Variants in SOX6 observed in about 807,000 individuals in gnomAD.
SOX6 encodes SRY-box transcription factor 6.
Under a neutral mutation model 97.8 loss-of-function variants are expected in SOX6, and 11 were observed. That is an observed-to-expected ratio of 0.11 (90% CI 0.07 to 0.19). The LOEUF is 0.19. SOX6 is among the 10% of genes least tolerant of loss of function. The pLI is 1.00. For synonymous variants in SOX6, 360 were observed against 371.4 expected (o/e 0.97, Z 0.35); for missense variants, 810 against 1,039.5 (o/e 0.78, Z 3.04).
Position 16,299,483 on chromosome 11 carries a change from C to T in SOX6, c.445+18963G>A, listed in dbSNP as rs539826979. ...TTTATTGGGAATTGCTTCCCAAAAT[C>T]TGAAATACAGTAAAGTGGCATTTCA... On this transcript the variant is annotated intron_variant, in intron 3 of 15. Coordinates refer to ENST00000683767, the MANE Select transcript of SOX6 (RefSeq NM_001367873.1). Among the ~76,000 whole-genome samples, 12 of 152,130 alleles carry T rather than the reference C, an allele frequency of 7.9e-5. No individual in the cohort carries two copies. The East Asian group carries it at 2.1e-3, about 27-fold the overall frequency.
intron 4 of SOX6, among the ~76,000 whole-genome samples, chr11:16,187,682 G>T (rs1253634843): frequency 1.3e-5 from 2 of 152,134 alleles, no homozygotes; most frequent in Non-Finnish European, 2.9e-5. Context: ...GGTTGAAAAG[G>T]TTATGCATAA....
intron 4 of SOX6, among the ~76,000 whole-genome samples, chr11:16,231,854 T>C (rs2134172032): frequency 6.6e-6 from 1 of 151,788 alleles, no homozygotes; most frequent in Non-Finnish European, 1.5e-5. Flanking sequence ...TAATATATCA[T>C]TAAGTGGGGA....
At chr11:16,109,009 T>C (rs545817222) in intron 7 of SOX6, among the ~76,000 whole-genome samples, 2 of 152,112 alleles carry the variant, frequency 1.3e-5, no homozygotes, top group African/African-American at 4.8e-5. Context: ...TCATTTCAGA[T>C]ACGGGAAAGT....
intron 3 of SOX6, among the ~76,000 whole-genome samples, chr11:16,651,496 C>T (rs886313208): frequency 6.6e-6 from 1 of 151,936 alleles, no homozygotes; most frequent in Non-Finnish European, 1.5e-5. Context: ...ATGTGATATA[C>T]CACATAAGCA....
chr11:16,606,312 A>C (rs1188974540), intron 4 of SOX6, among the ~76,000 whole-genome samples: 1 of 151,122 alleles, frequency 6.6e-6, no homozygotes, highest in East Asian at 2.0e-4. Context: ...GTTTCAGTGT[A>C]ACTTTCTCTA....
chr11:16,103,256 A>G (rs1848994644), intron 7 of SOX6, among the ~76,000 whole-genome samples: 1 of 152,044 alleles, frequency 6.6e-6, no homozygotes, highest in Non-Finnish European at 1.5e-5. Context: ...CAAATGGCCA[A>G]TGATCATATA....
intron 6 of SOX6, among the ~76,000 whole-genome samples, chr11:16,131,469 G>A (rs1849737553): frequency 6.6e-6 from 1 of 152,026 alleles, no homozygotes; most frequent in African/African-American, 2.4e-5. Flanking sequence ...TGGTGAGGAT[G>A]CAGAACAACT....
chr11:16,132,381 AGAAAGAAAGAAAGAAAGAAAAAAGAAAG>A (rs1849797947), intron 6 of SOX6, among the ~76,000 whole-genome samples: 1 of 97,734 alleles, frequency 1.0e-5, no homozygotes, highest in East Asian at 4.3e-4. Flanking sequence ...AAAGAAAGAA[AGAAAGAAAGAAAGAAAGAAAAAAGAAAG>A]AAAGAAAGAA....
chr11:16,240,354 G>A (rs918534566), intron 3 of SOX6, among the ~76,000 whole-genome samples: 8 of 148,270 alleles, frequency 5.4e-5, no homozygotes, highest in Admixed American at 2.8e-4. Flanking sequence ...AGAACTGTTA[G>A]ATGCAAGATT....
intron 3 of SOX6, among the ~76,000 whole-genome samples, chr11:16,713,226 AC>A (rs1952573177): frequency 6.6e-6 from 1 of 152,226 alleles, no homozygotes; most frequent in African/African-American, 2.4e-5. Flanking sequence ...TCAGAAAAAA[AC>A]ATTTTAACAA....
At chr11:16,115,107 G>C (rs986272036) in intron 6 of SOX6, among the ~76,000 whole-genome samples, 2 of 152,088 alleles carry the variant, frequency 1.3e-5, no homozygotes, top group Non-Finnish European at 2.9e-5. Flanking sequence ...TTAGCCCAGA[G>C]GCTATTCAAT....
chr11:16,668,066 C>T (rs1330970148), intron 3 of SOX6, among the ~76,000 whole-genome samples: 1 of 152,102 alleles, frequency 6.6e-6, no homozygotes, highest in East Asian at 1.9e-4. Context: ...TTGCAAGCCT[C>T]ATGGTAACAC....
At chr11:16,545,099 A>G (rs1328711018) in intron 4 of SOX6, among the ~76,000 whole-genome samples, 4 of 152,130 alleles carry the variant, frequency 2.6e-5, no homozygotes, top group African/African-American at 9.7e-5. Context: ...AATATCTAAA[A>G]TAAAAAAAAC....
chr11:16,140,331 C>CCTAAT (rs1260173667), intron 6 of SOX6, among the ~76,000 whole-genome samples: 6 of 152,084 alleles, frequency 3.9e-5, no homozygotes, highest in African/African-American at 1.4e-4. Flanking sequence ...GAAGAAAAGC[C>CCTAAT]CTAATATGTT....
chr11:16,454,721 G>A (rs971302623), intron 1 of SOX6, among the ~76,000 whole-genome samples: 1 of 152,054 alleles, frequency 6.6e-6, no homozygotes, highest in African/African-American at 2.4e-5. Flanking sequence ...GAAAGAAATT[G>A]AGCCAAAGTA....
At chr11:16,604,941 A>G (rs981197061) in intron 4 of SOX6, among the ~76,000 whole-genome samples, 1 of 152,104 alleles carries the variant, frequency 6.6e-6, no homozygotes, top group African/African-American at 2.4e-5. Flanking sequence ...GCACCGAGCT[A>G]ATCTGCCCTC....
chr11:16,587,621 GA>G, intron 4 of SOX6, among the ~76,000 whole-genome samples: 1 of 152,308 alleles, frequency 6.6e-6, no homozygotes, highest in African/African-American at 2.4e-5. Flanking sequence ...AAGAAAGTGA[GA>G]AAATCAGAAA....
intron 1 of SOX6, among the ~76,000 whole-genome samples, chr11:16,407,950 A>C (rs1389412058): frequency 6.6e-6 from 1 of 152,226 alleles, no homozygotes; most frequent in African/African-American, 2.4e-5. Context: ...ATTCCTTTAC[A>C]ACTTATTTTA....
intron 2 of SOX6, among the ~76,000 whole-genome samples, chr11:16,320,577 T>G (rs374793770): frequency 1.3e-5 from 2 of 152,104 alleles, no homozygotes; most frequent in African/African-American, 4.8e-5. Context: ...GTTTAATAAC[T>G]GGTAGATACT....
Sources: gnomAD v4.1 joint callset for allele counts (sites outside exome capture counted in the v4.1 genomes callset) on GRCh38, gnomAD v4.1.1 for gene constraint, MANE v1.5 for transcripts, NCBI Gene and HGNC (gene_info 2026-07-23, HGNC 2026-07-21) for gene names.